ZNF354A: variants seen among roughly 807,000 people sequenced by gnomAD.
ZNF354A encodes the protein epididymis luminal protein 104.
ZNF354A carries 25 observed loss-of-function variants against 53.3 expected under a neutral mutation model. That is an observed-to-expected ratio of 0.47 (90% CI 0.34 to 0.66). The LOEUF (loss-of-function observed/expected upper bound fraction) is 0.66. ZNF354A is among the 30% of genes least tolerant of loss of function. ZNF354A has a pLI of 0.01. For missense variants in ZNF354A, 586 were observed against 716.8 expected, an observed-to-expected ratio of 0.82 and a Z score of 2.08; for synonymous variants, 228 against 249.0, an observed-to-expected ratio of 0.92 and a Z score of 0.79.
intron 4 of ZNF354A, among the ~76,000 whole-genome samples, chr5:178,716,023 AG>A (rs1561617118): frequency 6.6e-6 from 1 of 151,530 alleles, no homozygotes; most frequent in African/African-American, 2.4e-5. Flanking sequence ...CAGCCTCCTA[AG>A]TAGCTGGGAT....
chr5:178,713,213 G>A lies in ZNF354A; in HGVS notation c.665C>T (p.Thr222Ile). 1.9e-6 allele frequency: 3 copies of A among 1,614,132 alleles called. No individual in the cohort carries two copies. Among genetic ancestry groups the A allele is most frequent in the South Asian group, 2.2e-5 (2 of 91,072 alleles). The change falls in exon 5 of 5, where the codon ACC (threonine) becomes ATC (isoleucine). Residue 222 changes from threonine to isoleucine, a missense_variant. Thr to Ile is a moderately conservative substitution (Grantham distance 89). This residue lies in a region of ZNF354A where 573 missense variants were observed against 680.1 expected (regional missense o/e 0.84). Coordinates refer to ENST00000335815, the MANE Select transcript of ZNF354A (RefSeq NM_005649.3). Reference protein sequence around the residue: ...KRYKCSLCEKTFINTSSLRKH... With the variant: ...KRYKCSLCEKIFINTSSLRKH... ...ACGAAGGGATGAAGTGTTAATGAAG[G>A]TTTTTTCACACAGACTACATTTATA...
In ZNF354A at chr5:178,713,483, A is replaced by T; in HGVS notation, c.395T>A (p.Leu132Ter). The T allele has an allele frequency of 1.2e-6, 2 of 1,613,696 alleles. No individual in the cohort carries two copies. The highest frequency in any genetic ancestry group is 1.7e-6 in the Non-Finnish European group (2 of 1,179,948). The change falls in exon 5 of 5, where the codon TTA becomes TAA. Residue 132 changes from leucine to a stop codon, truncating the protein, a stop_gained. Transcript: ENST00000335815. LOFTEE classifies it high-confidence loss of function. The part of the protein sequence containing the change: ...LEKPYIYEGR[L>*]EKKQDKKGSF... ...TCCCTTTTTATCCTGCTTTTTCTCT[A>T]ATCTGCCTTCATATATGTAAGGCTT...
chr5:178,726,208 C>T (rs546636745), intron 3 of ZNF354A: 92 of 455,998 alleles, frequency 2.0e-4, no homozygotes, highest in Non-Finnish European at 3.8e-4. Flanking sequence ...ATTCAGACCA[C>T]TGCCTGTTTA....
chr5:178,725,273 G>T, intron 4 of ZNF354A, 103 bp downstream of exon 4: 1 of 1,135,020 alleles, frequency 8.8e-7, no homozygotes, highest in Non-Finnish European at 1.3e-6. Context: ...CACTTCTTGA[G>T]GCCTGAGAAT....
chr5:178,719,946 CA>C (rs11327025), intron 4 of ZNF354A, among the ~76,000 whole-genome samples: 93,986 of 140,790 alleles, frequency 0.67, 31,318 homozygotes, highest in East Asian at 0.75. Flanking sequence ...GACTCCGTCT[CA>C]AAAAAAAAAA....
intron 3 of ZNF354A, chr5:178,726,247 A>G (rs1238656877): frequency 2.9e-5 from 13 of 451,136 alleles, no homozygotes; most frequent in East Asian, 1.4e-4. Context: ...GAATGGTGGG[A>G]AAAAAAAAGA....
At chr5:178,720,254 CT>C (rs1371630314) in intron 4 of ZNF354A, among the ~76,000 whole-genome samples, 2 of 152,194 alleles carry the variant, frequency 1.3e-5, no homozygotes, top group Non-Finnish European at 2.9e-5. Context: ...TATTGACAAC[CT>C]TGTTATGGGC....
intron 4 of ZNF354A, among the ~76,000 whole-genome samples, chr5:178,723,401 G>C (rs758810864): frequency 8.5e-5 from 13 of 152,214 alleles, no homozygotes; most frequent in Non-Finnish European, 1.5e-4. Flanking sequence ...CTCAGAACCT[G>C]TGCCTGGCTC....
At chr5:178,715,898 T>C (rs1459133386) in intron 4 of ZNF354A, among the ~76,000 whole-genome samples, 1 of 25,594 alleles carries the variant, frequency 3.9e-5, no homozygotes, top group Non-Finnish European at 6.7e-5. Context: ...ATAATCTCTG[T>C]GGTTTTTTTT....
rs1304659343 is a variant in ZNF354A at position 178,712,299 on chromosome 5, A to G, written c.1579T>C (p.Cys527Arg). Reference protein sequence around the residue: ...TGEKPYRCEECGISFGQSSAL... With the variant: ...TGEKPYRCEERGISFGQSSAL... Reference sequence around the variant, plus strand: ...GAACTTTGGCCAAAAGATATCCCACATTCCTCACATCGATATGGTTTCTCT... The same window carrying G: ...GAACTTTGGCCAAAAGATATCCCACGTTCCTCACATCGATATGGTTTCTCT... The change falls in exon 5 of 5, where the codon TGT becomes CGT. Residue 527 changes from cysteine to arginine, a missense_variant. Physicochemically the swap from Cys to Arg is radical, Grantham distance 180. Around this residue, in one of 2 missense-constraint regions of ZNF354A, gnomAD observed 573 missense variants for 680.1 expected, o/e 0.84. Coordinates refer to ENST00000335815, the MANE Select transcript of ZNF354A (RefSeq NM_005649.3). The G allele has an allele frequency of 1.9e-6, 3 of 1,614,006 alleles. No homozygotes were observed. In the Admixed American group the frequency reaches 5.0e-5, roughly 27 times the overall value.
intron 3 of ZNF354A, 102 bp downstream of exon 3, chr5:178,726,897 C>T (rs960314552): frequency 2.7e-6 from 4 of 1,496,718 alleles, no homozygotes; most frequent in Admixed American, 4.4e-5. Context: ...TCCTCACACA[C>T]TCAGCTCAAA....
chr5:178,726,080 G>C (rs1162588792), intron 3 of ZNF354A: 4 of 434,384 alleles, frequency 9.2e-6, no homozygotes, highest in Non-Finnish European at 1.4e-5. Flanking sequence ...CTGACCTTGT[G>C]ATCTGCCCGC....
At chr5:178,717,210 T>C (rs1765733388) in intron 4 of ZNF354A, among the ~76,000 whole-genome samples, 1 of 151,914 alleles carries the variant, frequency 6.6e-6, no homozygotes, top group African/African-American at 2.4e-5. Flanking sequence ...ACTGGGGAAT[T>C]ATGTGTTCAT....
rs191516498 is a variant in ZNF354A at position 178,712,393 on chromosome 5, T to C, written c.1485A>G (p.Lys495=). 7,002 of 1,601,280 alleles carry C rather than the reference T, an allele frequency of 4.4e-3. 87 individuals are homozygous for C. Among genetic ancestry groups the C allele is most frequent in the Middle Eastern group, 6.7e-3 (40 of 5,952 alleles). Residue 495 remains lysine (K), a synonymous_variant, in exon 5 of 5, where the codon AAA becomes AAG. Transcript: ENST00000335815. The part of the protein sequence containing the change: ...QRMHTGERPY[K]CNECGKTFRC... ...TGAATGTTTTCCCACACTCGTTACA[T>C]TTATAGGGTCTTTCTCCAGTATGCA...
intron 4 of ZNF354A, among the ~76,000 whole-genome samples, chr5:178,723,503 T>C (rs180983203): frequency 6.6e-6 from 1 of 152,352 alleles, no homozygotes; most frequent in African/African-American, 2.4e-5. Context: ...TGGACCTTCA[T>C]GAACACCTTT....
intron 1 of ZNF354A, among the ~76,000 whole-genome samples, chr5:178,729,809 A>G (rs1765994097): frequency 1.3e-5 from 2 of 151,264 alleles, no homozygotes; most frequent in Non-Finnish European, 2.9e-5. Flanking sequence ...GGCATCCCAA[A>G]AATCTAGGAT....
In ZNF354A at chr5:178,727,463, C is replaced by A. The variant is rs528124424; in HGVS notation, c.34-338G>T. ...TAAAGTACCAATTACTCTATTTGTA[C>A]GATAATGAACAGTGCACAAAAGTAC... On this transcript the variant is annotated intron_variant, in intron 2 of 4. Coordinates refer to ENST00000335815, the MANE Select transcript of ZNF354A (RefSeq NM_005649.3). 1.2e-4 allele frequency among the ~76,000 whole-genome samples: 19 copies of A among 152,118 alleles called. 2 individuals are homozygous for A. In the South Asian group the frequency reaches 3.9e-3, roughly 32 times the overall value.
In ZNF354A at chr5:178,712,123, T is replaced by C; in HGVS notation, c.1755A>G (p.Lys585=). Residue 585 remains lysine, a synonymous_variant, in exon 5 of 5, where the codon AAA becomes AAG. Transcript: ENST00000335815. The part of the protein sequence containing the change: ...EKPYECNTCG[K]LFNHRSSLTN... ...TAAGGGATGACCTATGGTTGAAAAGTTTCCCACATGTATTACATTCATAGG... is the reference window on the plus strand; with the variant it reads ...TAAGGGATGACCTATGGTTGAAAAGCTTCCCACATGTATTACATTCATAGG... The C allele has an allele frequency of 6.2e-7, 1 of 1,613,474 alleles. No individual in the cohort carries two copies. Among genetic ancestry groups the C allele is most frequent in the South Asian group, 1.1e-5 (1 of 91,034 alleles).
intron 2 of ZNF354A, among the ~76,000 whole-genome samples, chr5:178,728,775 C>A (rs1438132901): frequency 1.5e-5 from 1 of 64,958 alleles, no homozygotes; most frequent in African/African-American, 1.0e-4. Context: ...GGCGACAAAG[C>A]GAGATTCAAA....
Sources: gnomAD v4.1 joint callset for allele counts (sites outside exome capture counted in the v4.1 genomes callset) on GRCh38, gnomAD v4.1.1 for gene constraint, gnomAD v4.1.1 regional missense constraint, MANE v1.5 for transcripts, NCBI Gene and HGNC (gene_info 2026-07-23, HGNC 2026-07-21) for gene names.